Variants in MAN1C1 observed in about 807,000 individuals in gnomAD.
MAN1C1 encodes mannosidase alpha class 1C member 1.
MAN1C1 carries 49 observed loss-of-function variants against 71.5 expected under a neutral mutation model. The ratio of observed to expected loss-of-function variants is 0.69; its 90% confidence interval spans 0.54 to 0.87. The LOEUF is 0.87. Among genes scored for constraint, MAN1C1 ranks in the 40% least tolerant of loss-of-function variants. The pLI, the probability that MAN1C1 is intolerant of heterozygous loss-of-function variation, is 0.00. For synonymous variants in MAN1C1, 352 were observed against 343.7 expected (o/e 1.02, Z -0.27); for missense variants, 743 against 835.0 (o/e 0.89, Z 1.36).
rs1376494549 is a variant in MAN1C1 at position 25,783,896 on chromosome 1, A to G, written c.*107A>G. 4.2e-6 allele frequency: 6 copies of G among 1,412,390 alleles called. No homozygotes were observed. The East Asian group carries it at 1.2e-4, about 29-fold the overall frequency. 87.5% of individuals were successfully genotyped at this position (1,412,390 alleles called of 1,614,324 possible). A position where few individuals can be genotyped will look rare whatever the true frequency, so the allele number is the denominator to read the frequency against. ...GGAACGAAGGCCCCATCTCGGGCAG[A>G]CCCCCAGCAGATGTGTCGGACAAGC... On this transcript the variant is annotated 3_prime_UTR_variant, in exon 12 of 12. Coordinates refer to ENST00000374332, the MANE Select transcript of MAN1C1 (RefSeq NM_020379.4).
Position 25,778,124 on chromosome 1 carries a change from T to C in MAN1C1, c.1277T>C (p.Leu426Pro). Residue 426 changes from leucine (L) to proline (P), a missense_variant, in exon 9 of 12, where the codon CTG becomes CCG. Coordinates refer to ENST00000374332, the MANE Select transcript of MAN1C1 (RefSeq NM_020379.4). The surrounding 1 kb of genome is among the most constrained non-coding windows in gnomAD (Gnocchi z 5.5). ...EALEAIETYL[L>P]NVSPGGLTYI... is the part of the protein sequence containing the mutation. Reference sequence around the variant, plus strand: ...TCCCAGGCGATAGAGACCTACTTGCTGAATGTCTCTCCCGGGGGGCTGACC... The same window carrying C: ...TCCCAGGCGATAGAGACCTACTTGCCGAATGTCTCTCCCGGGGGGCTGACC... The C allele has an allele frequency of 6.4e-7, 1 of 1,572,790 alleles. No homozygotes were observed. Among genetic ancestry groups the C allele is most frequent in the Non-Finnish European group, 8.7e-7 (1 of 1,154,850 alleles).
At chr1:25,701,831 G>A (rs2046448071) in intron 2 of MAN1C1, among the ~76,000 whole-genome samples, 1 of 152,182 alleles carries the variant, frequency 6.6e-6, no homozygotes, top group African/African-American at 2.4e-5. Context: ...AGGCCCAGGC[G>A]GGTGGATCAC....
Position 25,631,269 on chromosome 1 carries a change from A to G in MAN1C1, c.540+12932A>G, listed in dbSNP as rs1290412102. 6.6e-6 allele frequency among the ~76,000 whole-genome samples: 1 copy of G among 152,186 alleles called. No homozygotes were observed. Among genetic ancestry groups the G allele is most frequent in the Non-Finnish European group, 1.5e-5 (1 of 68,040 alleles). On this transcript the variant is annotated intron_variant, in intron 1 of 11. Coordinates refer to ENST00000374332, the MANE Select transcript of MAN1C1 (RefSeq NM_020379.4). The surrounding 1 kb of genome is among the most constrained non-coding windows in gnomAD (Gnocchi z 4.2). ...AGGCATGAGCCACCGCACCCAGCCC[A>G]GTGCTATGTTTAATAGAAGTAGTGA...
chr1:25,692,887 G>A (rs777954269), intron 2 of MAN1C1, among the ~76,000 whole-genome samples: 3 of 152,150 alleles, frequency 2.0e-5, no homozygotes, highest in East Asian at 1.9e-4. Context: ...CTCAGGGGTC[G>A]AACAGAAGAC....
At chr1:25,667,255 G>A (rs568921475) in intron 1 of MAN1C1, among the ~76,000 whole-genome samples, 2 of 151,908 alleles carry the variant, frequency 1.3e-5, no homozygotes, top group Admixed American at 6.6e-5. Flanking sequence ...AGGCTGAGGC[G>A]GGCGGATCAC....
In MAN1C1 at chr1:25,725,624, C is replaced by T. The variant is rs1423575432; in HGVS notation, c.638-21044C>T. Among the ~76,000 whole-genome samples, 1 of 152,338 alleles carries T rather than the reference C, an allele frequency of 6.6e-6. No homozygotes were observed. Among genetic ancestry groups the T allele is most frequent in the East Asian group, 1.9e-4 (1 of 5,188 alleles). The stretch of plus-strand genomic sequence containing the variant: ...CTGAGGGCTTCTTGGGTTATCCTAG[C>T]TCCTCCTAGAATAAAGTGTCCTTGG... On this transcript the variant is annotated intron_variant, in intron 2 of 11. Coordinates refer to ENST00000374332, the MANE Select transcript of MAN1C1 (RefSeq NM_020379.4). This position sits in a 1 kb window ranked among gnomAD's most constrained non-coding sequence, Gnocchi z 4.8.
intron 2 of MAN1C1, among the ~76,000 whole-genome samples, chr1:25,692,920 A>G (rs374783391): frequency 2.4e-4 from 37 of 152,248 alleles, no homozygotes; most frequent in African/African-American, 8.2e-4. Flanking sequence ...CTTTTCTTCC[A>G]CCATAGGAAC....
Position 25,646,965 on chromosome 1 carries a change from T to G in MAN1C1, c.540+28628T>G, listed in dbSNP as rs112364268. Among the ~76,000 whole-genome samples the G allele has an allele frequency of 3.5e-3, 530 of 152,340 alleles. 3 individuals are homozygous for G. Among genetic ancestry groups the G allele is most frequent in the African/African-American group, 0.012 (514 of 41,572 alleles). On this transcript the variant is annotated intron_variant, in intron 1 of 11. Coordinates refer to ENST00000374332, the MANE Select transcript of MAN1C1 (RefSeq NM_020379.4). ...GGATTGCTGGGTCATATGGTGACTC[T>G]GTTCAACTTGGTGGGGAACGGTCAG...
chr1:25,710,753 C>T (rs1200209950), intron 2 of MAN1C1, among the ~76,000 whole-genome samples: 2 of 152,184 alleles, frequency 1.3e-5, no homozygotes, highest in African/African-American at 2.4e-5. Context: ...GTACCTGCTG[C>T]TGCCCTTTGT....
At chr1:25,773,156 C>T (rs549036449) in intron 8 of MAN1C1, among the ~76,000 whole-genome samples, 59 of 152,204 alleles carry the variant, frequency 3.9e-4, no homozygotes, top group African/African-American at 1.4e-3. Flanking sequence ...GTGCCTGGCA[C>T]ATAGCAGGCC....
rs2047180406 is a variant in MAN1C1, at chr1:25,749,294, A to T, written c.793A>T (p.Ile265Phe). 1 of 1,612,484 alleles carries T rather than the reference A, an allele frequency of 6.2e-7. No individual in the cohort carries two copies. The highest frequency in any genetic ancestry group is 1.7e-5 in the Admixed American group (1 of 59,918). ...ASLFEVNIRY[I>F]GGLLSAFYLT... is the part of the protein sequence containing the mutation. Reference sequence around the variant, plus strand: ...CTTGTTTGAGGTGAACATCCGCTACATCGGGGGACTCCTCTCAGCCTTCTA... The same window carrying T: ...CTTGTTTGAGGTGAACATCCGCTACTTCGGGGGACTCCTCTCAGCCTTCTA... Residue 265 changes from isoleucine to phenylalanine, a missense_variant, in exon 4 of 12, where the codon ATC becomes TTC. Physicochemically the swap from Ile to Phe is conservative, Grantham distance 21. Transcript: ENST00000374332.
intron 8 of MAN1C1, chr1:25,772,076 C>A: frequency 5.9e-6 from 2 of 339,440 alleles, no homozygotes; most frequent in Non-Finnish European, 1.1e-5. Context: ...GAAACCACCA[C>A]CTGCTTGGTG....
At chr1:25,710,689 A>G (rs1482298378) in intron 2 of MAN1C1, among the ~76,000 whole-genome samples, 5 of 152,182 alleles carry the variant, frequency 3.3e-5, no homozygotes, top group Non-Finnish European at 5.9e-5. Flanking sequence ...AGGTAGCAGG[A>G]TAGGAAATAG....
chr1:25,651,013 G>A (rs993784763), intron 1 of MAN1C1, among the ~76,000 whole-genome samples: 1 of 152,146 alleles, frequency 6.6e-6, no homozygotes, highest in Admixed American at 6.5e-5. Flanking sequence ...GAGACCTGGA[G>A]GGGGTTGGCT....
Position 25,783,665 on chromosome 1 carries a change from A to G in MAN1C1, c.1769A>G (p.Tyr590Cys). 6.2e-7 allele frequency: 1 copy of G among 1,611,944 alleles called. No individual in the cohort carries two copies. Among genetic ancestry groups the G allele is most frequent in the Non-Finnish European group, 8.5e-7 (1 of 1,179,760 alleles). The change falls in exon 12 of 12, where the codon TAT (tyrosine) becomes TGT (cysteine). Residue 590 changes from tyrosine (Y) to cysteine (C), a missense_variant and splice_region_variant. By Grantham distance (194) the Tyr-to-Cys change is radical (BLOSUM62 -2). Coordinates refer to ENST00000374332, the MANE Select transcript of MAN1C1 (RefSeq NM_020379.4). ...QSFFLAETLK[Y>C]LYLLFSEDDL... is the part of the protein sequence containing the mutation. ...TCCCTGCCCTGCGTGGGGCACAGGT[A>G]TCTCTATCTTCTGTTCTCTGAAGAT...
chr1:25,657,940 G>A lies in MAN1C1; in HGVS notation c.541-28500G>A, dbSNP rs186125368. ...AAGGAAGTGGATGGACACACACACA[G>A]CGTGACCCACCAGCCGGACCACTGC... On this transcript the variant is annotated intron_variant, in intron 1 of 11. Coordinates refer to ENST00000374332, the MANE Select transcript of MAN1C1 (RefSeq NM_020379.4). Among the ~76,000 whole-genome samples, 18 of 152,298 alleles carry A rather than the reference G, an allele frequency of 1.2e-4. No individual in the cohort carries two copies. The East Asian group carries it at 2.5e-3, about 21-fold the overall frequency.
At chr1:25,627,654 T>A (rs1205274635) in intron 1 of MAN1C1, among the ~76,000 whole-genome samples, 1 of 152,202 alleles carries the variant, frequency 6.6e-6, no homozygotes, top group Admixed American at 6.5e-5. Flanking sequence ...ATCTTTGATC[T>A]TCTTTTTCAA....
intron 1 of MAN1C1, among the ~76,000 whole-genome samples, chr1:25,649,676 C>T (rs952045531): frequency 6.6e-6 from 1 of 152,114 alleles, no homozygotes; most frequent in Non-Finnish European, 1.5e-5. Context: ...CTCACTCTGT[C>T]GCCCAGGCTG....
At position 25,764,081 on chromosome 1, in the gene MAN1C1, C is replaced by T. The variant is rs980412389; in HGVS notation, c.1141+114C>T. ...GGATGTGTCTGTCAGAGCCATGCAG[C>T]CAGCAAGGCATTCGCTCGGTGCTCC... On this transcript the variant is annotated intron_variant, in intron 7 of 11. Transcript: ENST00000374332. This position sits in a 1 kb window ranked among gnomAD's most constrained non-coding sequence, Gnocchi z 4.4. The T allele has an allele frequency of 9.5e-6, 8 of 844,394 alleles. No individual in the cohort carries two copies. The African/African-American group carries it at 1.0e-4, about 11-fold the overall frequency. The allele number at this position is 844,394 out of a possible 1,614,324, so 52.3% of individuals were successfully genotyped here. A position where few individuals can be genotyped will look rare whatever the true frequency, so the allele number is the denominator to read the frequency against.
Sources: allele counts gnomAD v4.1 joint callset (sites outside exome capture counted in the v4.1 genomes callset), GRCh38; gene constraint gnomAD v4.1.1; non-coding constraint Gnocchi (gnomAD v3.1); transcripts MANE v1.5; gene names NCBI Gene and HGNC (gene_info 2026-07-23, HGNC 2026-07-21).